KIAA1217: variants seen among roughly 807,000 people sequenced by gnomAD.
KIAA1217 encodes the protein sickle tail protein homolog.
KIAA1217 carries 88 observed loss-of-function variants against 163.9 expected under a neutral mutation model. The ratio of observed to expected loss-of-function variants is 0.54; its 90% CI spans 0.45 to 0.64. KIAA1217 has a LOEUF of 0.64. Among genes scored for constraint, KIAA1217 ranks in the 30% least tolerant of loss-of-function variants. The pLI, the probability that KIAA1217 is intolerant of heterozygous loss-of-function variation, is 0.00. For synonymous variants in KIAA1217, 903 were observed against 923.1 expected, an observed-to-expected ratio of 0.98 and a Z score of 0.39; for missense variants, 2,372 against 2,475.0, an observed-to-expected ratio of 0.96 and a Z score of 0.88.
At chr10:24,115,370 A>G (rs2063011029) in intron 2 of KIAA1217, among the ~76,000 whole-genome samples, 1 of 152,220 alleles carries the variant, frequency 6.6e-6, no homozygotes, top group South Asian at 2.1e-4. Context: ...TGGGATAGCT[A>G]TGGAGTTTAG....
chr10:23,743,320 A>G (rs1243361056), intron 1 of KIAA1217, among the ~76,000 whole-genome samples: 1 of 151,970 alleles, frequency 6.6e-6, no homozygotes, highest in African/African-American at 2.4e-5. Flanking sequence ...TATTTCCATG[A>G]TTAGCCTGGT....
At chr10:24,128,395 G>A (rs906803281) in intron 2 of KIAA1217, among the ~76,000 whole-genome samples, 1 of 152,198 alleles carries the variant, frequency 6.6e-6, no homozygotes, top group Non-Finnish European at 1.5e-5. Context: ...TAATGATAAT[G>A]TGTTTGTCAT....
chr10:24,078,323 A>T (rs144886077), intron 2 of KIAA1217, among the ~76,000 whole-genome samples: 1 of 152,306 alleles, frequency 6.6e-6, no homozygotes, highest in East Asian at 1.9e-4. Flanking sequence ...GTGATGGAGC[A>T]GTGCCCTGGT....
intron 2 of KIAA1217, among the ~76,000 whole-genome samples, chr10:24,093,612 A>C (rs1388599734): frequency 6.6e-6 from 1 of 151,478 alleles, no homozygotes; most frequent in African/African-American, 2.4e-5. Context: ...CACTCAACTA[A>C]GAATTTTTTT....
At position 24,380,923 on chromosome 10, in the gene KIAA1217, G is replaced by C; in HGVS notation, c.409G>C (p.Val137Leu). Residue 137 changes from valine (V) to leucine (L), a missense_variant, in exon 3 of 21, where the codon GTC becomes CTC. By Grantham distance (32) the Val-to-Leu change is conservative (BLOSUM62 1). This residue lies in a region of KIAA1217 where 1,431 missense variants were observed against 1,470.3 expected (regional missense o/e 0.97). Transcript: ENST00000376454. ...TCAACCACCCAGTCTGGGTGACCCG[G>C]TCGAGCATTTATCAGAGACGTCCGC... is the stretch of plus-strand genomic sequence containing the variant. ...SPQPPSLGDP[V>L]EHLSETSADS... is the part of the protein sequence containing the mutation. The C allele has an allele frequency of 1.2e-6, 2 of 1,606,350 alleles. No homozygotes were observed. Among genetic ancestry groups the C allele is most frequent in the Non-Finnish European group, 1.7e-6 (2 of 1,175,658 alleles).
chr10:24,212,100 AAAG>A (rs761555526), intron 1 of KIAA1217, among the ~76,000 whole-genome samples: 16 of 152,092 alleles, frequency 1.1e-4, no homozygotes, highest in Admixed American at 2.6e-4. Flanking sequence ...AAAGAAAAAA[AAAG>A]AAGAGAGAGG....
intron 1 of KIAA1217, among the ~76,000 whole-genome samples, chr10:23,945,954 C>T (rs1844016491): frequency 2.0e-5 from 3 of 152,128 alleles, no homozygotes; most frequent in African/African-American, 4.8e-5. Context: ...CTGGATTTTA[C>T]ATCCTGAGAC....
chr10:24,133,343 G>A (rs953569144), intron 2 of KIAA1217, among the ~76,000 whole-genome samples: 12 of 152,152 alleles, frequency 7.9e-5, no homozygotes, highest in Non-Finnish European at 1.2e-4. Context: ...AGGCTGAGAC[G>A]GGTGGATCAT....
chr10:24,453,145 A>G (rs2061512320), intron 5 of KIAA1217, among the ~76,000 whole-genome samples: 1 of 152,208 alleles, frequency 6.6e-6, no homozygotes. Context: ...CACCGTTCCC[A>G]AGACCAGACC....
intron 2 of KIAA1217, among the ~76,000 whole-genome samples, chr10:24,147,516 A>C (rs1215201289): frequency 1.3e-5 from 2 of 152,178 alleles, no homozygotes; most frequent in Non-Finnish European, 2.9e-5. Context: ...AATGTCAGAA[A>C]TGTGTGCTGA....
intron 1 of KIAA1217, among the ~76,000 whole-genome samples, chr10:23,882,231 G>C (rs2131191924): frequency 6.6e-6 from 1 of 151,994 alleles, no homozygotes; most frequent in South Asian, 2.1e-4. Flanking sequence ...GATGTGGGTG[G>C]CAATGTGACA....
intron 1 of KIAA1217, among the ~76,000 whole-genome samples, chr10:23,720,776 GA>G (rs1837840154): frequency 6.6e-6 from 1 of 152,014 alleles, no homozygotes; most frequent in Non-Finnish European, 1.5e-5. Flanking sequence ...CCTGGTATTG[GA>G]AAAAAATTCT....
intron 10 of KIAA1217, among the ~76,000 whole-genome samples, chr10:24,513,991 G>T (rs2069628745): frequency 6.6e-6 from 1 of 152,106 alleles, no homozygotes; most frequent in Non-Finnish European, 1.5e-5. Flanking sequence ...AATTGCAAAA[G>T]AAGAATTTAA....
intron 1 of KIAA1217, among the ~76,000 whole-genome samples, chr10:23,934,330 T>C (rs977207266): frequency 2.0e-5 from 3 of 150,444 alleles, no homozygotes; most frequent in Non-Finnish European, 4.4e-5. Flanking sequence ...GAGTTGAACA[T>C]TGAGAACACA....
At chr10:23,964,230 C>T (rs781247764) in intron 1 of KIAA1217, among the ~76,000 whole-genome samples, 19 of 151,576 alleles carry the variant, frequency 1.3e-4, no homozygotes, top group Non-Finnish European at 2.5e-4. Context: ...TGTTTGTTGG[C>T]TGCATAAATG....
chr10:24,158,119 C>A lies in KIAA1217; in HGVS notation c.-170-61507C>A, dbSNP rs149748276. 5.3e-5 allele frequency: 40 copies of A among 754,482 alleles called. No individual in the cohort carries two copies. In the East Asian group the frequency reaches 6.4e-4, roughly 12 times the overall value. 46.7% of individuals were successfully genotyped at this position (754,482 alleles called of 1,614,324 possible). The stretch of plus-strand genomic sequence containing the variant: ...CACAAGTTAGAAGTATATATGATGA[C>A]ATTTCTAGCCTGGGATTTGGATCAA... On this transcript the variant is annotated intron_variant, in intron 2 of 18. Coordinates refer to the KIAA1217 transcript ENST00000376462.
At chr10:24,502,044 T>A (rs7090802) in intron 9 of KIAA1217, among the ~76,000 whole-genome samples, 1 of 151,788 alleles carries the variant, frequency 6.6e-6, no homozygotes, top group Non-Finnish European at 1.5e-5. Flanking sequence ...CCACCGCGTC[T>A]GGCCTACAAC....
intron 1 of KIAA1217, among the ~76,000 whole-genome samples, chr10:23,731,609 A>G (rs1231020547): frequency 6.6e-6 from 1 of 152,196 alleles, no homozygotes; most frequent in African/African-American, 2.4e-5. Context: ...GGGAGGGGGT[A>G]CAACCAGGTA....
intron 1 of KIAA1217, among the ~76,000 whole-genome samples, chr10:23,749,319 AC>A (rs1212661370): frequency 6.6e-6 from 1 of 151,934 alleles, no homozygotes; most frequent in African/African-American, 2.4e-5. Context: ...CTTCCTTCAC[AC>A]TTACTCTGAT....
Sources: gnomAD v4.1 joint callset for allele counts (sites outside exome capture counted in the v4.1 genomes callset) on GRCh38, gnomAD v4.1.1 for gene constraint, gnomAD v4.1.1 regional missense constraint, MANE v1.5 for transcripts, NCBI Gene and HGNC (gene_info 2026-07-23, HGNC 2026-07-21) for gene names.